MKLN1: variants seen among roughly 807,000 people sequenced by gnomAD.
MKLN1 encodes the protein muskelin.
Under a neutral mutation model 99.0 loss-of-function variants are expected in MKLN1, and 18 were observed. The observed-to-expected ratio is 0.18, with a 90% CI of 0.13 to 0.27. MKLN1 has a LOEUF of 0.27. MKLN1 is among the 10% of genes least tolerant of loss of function. The pLI, the probability that MKLN1 is intolerant of heterozygous loss-of-function variation, is 1.00. For missense variants in MKLN1, 621 were observed against 875.9 expected (o/e 0.71, Z 3.67); for synonymous variants, 288 against 293.2 (o/e 0.98, Z 0.18).
intron 1 of MKLN1, among the ~76,000 whole-genome samples, chr7:131,115,753 G>A (rs1442783127): frequency 6.6e-6 from 1 of 151,928 alleles, no homozygotes; most frequent in Admixed American, 6.6e-5. Context: ...TGTATTATAG[G>A]ATTTACCCTA....
In MKLN1 at chr7:131,387,276, A is replaced by G; in HGVS notation, c.311+14A>G. ...GCTGTTGTCCAGGTGAGTTATGGTT[A>G]TGTTGAAGAGAGCTGTCTTCTAAAC... On this transcript the variant is annotated intron_variant, in intron 3 of 17. Transcript: ENST00000352689. The G allele has an allele frequency of 2.5e-6, 4 of 1,602,308 alleles. No individual in the cohort carries two copies. Among genetic ancestry groups the G allele is most frequent in the Non-Finnish European group, 3.4e-6 (4 of 1,175,834 alleles).
chr7:131,223,722 T>C (rs1797094596), intron 3 of MKLN1, among the ~76,000 whole-genome samples: 1 of 152,242 alleles, frequency 6.6e-6, no homozygotes, highest in Admixed American at 6.5e-5. Flanking sequence ...TGATCACTTC[T>C]GAGTTACAGC....
At chr7:131,461,823 T>G (rs1221410024) in intron 12 of MKLN1, among the ~76,000 whole-genome samples, 1 of 152,218 alleles carries the variant, frequency 6.6e-6, no homozygotes, top group Admixed American at 6.5e-5. Flanking sequence ...ATATGCACTT[T>G]ATGTATATGA....
chr7:131,183,290 T>G (rs1174301418), intron 2 of MKLN1, among the ~76,000 whole-genome samples: 2 of 152,166 alleles, frequency 1.3e-5, no homozygotes. Flanking sequence ...AGAGGTAATC[T>G]GAAAATGAGG....
chr7:131,140,926 C>G (rs561875649), intron 1 of MKLN1, among the ~76,000 whole-genome samples: 3 of 152,012 alleles, frequency 2.0e-5, no homozygotes, highest in African/African-American at 7.2e-5. Flanking sequence ...ACTATAGGCG[C>G]GTGCCACCAT....
chr7:131,133,908 C>A lies in MKLN1; in HGVS notation c.-418-8912C>A, dbSNP rs900673948. Among the ~76,000 whole-genome samples, 18 of 134,954 alleles carry A rather than the reference C, an allele frequency of 1.3e-4. 1 individual carries two copies. The highest frequency in any genetic ancestry group is 4.3e-4 in the African/African-American group (16 of 37,148). 88.5% of individuals were successfully genotyped at this position (134,954 alleles called of 152,430 possible). ...ACAATGGTGCAATCTCGGCTCACTG[C>A]AACCTCTGCCTCCCAGGTTCAAGCG... is the stretch of plus-strand genomic sequence containing the variant. On this transcript the variant is annotated intron_variant, in intron 1 of 7. Coordinates refer to the MKLN1 transcript ENST00000416992.
chr7:131,456,158 A>G (rs1471446487), intron 12 of MKLN1, among the ~76,000 whole-genome samples: 1 of 152,024 alleles, frequency 6.6e-6, no homozygotes, highest in Non-Finnish European at 1.5e-5. Context: ...CCATATTAGA[A>G]TGAAAGCTGC....
rs79985078 is a variant in MKLN1, at chr7:131,345,298, T to C, written c.98+17301T>C. Among the ~76,000 whole-genome samples, 56 of 152,362 alleles carry C rather than the reference T, an allele frequency of 3.7e-4. No individual in the cohort carries two copies. The East Asian group carries it at 7.5e-3, about 20-fold the overall frequency. ...GGAATATTTGCATTATGTTAATATA[T>C]ACTTAGCAGTTGAGCATCCCTAATC... is the stretch of plus-strand genomic sequence containing the variant. On this transcript the variant is annotated intron_variant, in intron 1 of 17. Transcript: ENST00000352689.
intron 8 of MKLN1, among the ~76,000 whole-genome samples, chr7:131,428,655 G>A (rs1035658291): frequency 9.9e-5 from 15 of 152,260 alleles, no homozygotes; most frequent in African/African-American, 3.4e-4. Flanking sequence ...TAAAAAGCTG[G>A]TAAATGTAAA....
chr7:131,291,192 G>A lies in MKLN1; in HGVS notation c.-178-84232G>A, dbSNP rs75777941. On this transcript the variant is annotated intron_variant, in intron 3 of 7. Transcript: ENST00000416992. Reference sequence around the variant, plus strand: ...GTCACCCAGGCTGGAGTTCAGTGGCGTGATCTTGGCTCACTGCAACCTCCG... The same window carrying A: ...GTCACCCAGGCTGGAGTTCAGTGGCATGATCTTGGCTCACTGCAACCTCCG... 4.7e-5 allele frequency among the ~76,000 whole-genome samples: 7 copies of A among 150,360 alleles called. No individual in the cohort carries two copies. The East Asian group carries it at 1.2e-3, about 25-fold the overall frequency.
At chr7:131,198,760 T>C (rs1204523618) in intron 2 of MKLN1, among the ~76,000 whole-genome samples, 1 of 152,072 alleles carries the variant, frequency 6.6e-6, no homozygotes, top group Admixed American at 6.6e-5. Context: ...TTTCATGAAT[T>C]ATAAAAAAAA....
chr7:131,399,177 A>T, intron 5 of MKLN1, 64 bp from the exon 6 acceptor site: 1 of 1,380,100 alleles, frequency 7.2e-7, no homozygotes, highest in African/African-American at 1.4e-5. Flanking sequence ...TACTGTTGTT[A>T]TTGTTTCCTA....
At chr7:131,262,735 G>C (rs1797751198) in intron 3 of MKLN1, among the ~76,000 whole-genome samples, 1 of 151,854 alleles carries the variant, frequency 6.6e-6, no homozygotes, top group Admixed American at 6.6e-5. Flanking sequence ...ATTTTTAGTA[G>C]AGACGGGGTT....
At chr7:131,285,347 G>A (rs1457966054) in intron 3 of MKLN1, among the ~76,000 whole-genome samples, 1 of 152,194 alleles carries the variant, frequency 6.6e-6, no homozygotes, top group East Asian at 1.9e-4. Flanking sequence ...TGAACCTCCT[G>A]GTGTGGGGCA....
intron 1 of MKLN1, among the ~76,000 whole-genome samples, chr7:131,134,287 T>C (rs762722163): frequency 8.5e-5 from 13 of 152,202 alleles, no homozygotes; most frequent in Non-Finnish European, 1.5e-4. Context: ...CCCACTCTCA[T>C]GCCCCATCTT....
In MKLN1 at chr7:131,478,714, C is replaced by T. The variant is rs540341194; in HGVS notation, c.2086+37C>T. The T allele has an allele frequency of 3.2e-5, 52 of 1,606,770 alleles. No individual in the cohort carries two copies. The Admixed American group carries it at 8.7e-4, about 27-fold the overall frequency. On this transcript the variant is annotated intron_variant, in intron 17 of 17. Coordinates refer to ENST00000352689, the MANE Select transcript of MKLN1 (RefSeq NM_013255.5). The stretch of plus-strand genomic sequence containing the variant: ...AGTATAATTTATCCAGCTAGATGCC[C>T]TAGCATTTGGAAGGTTGGATTTTGG...
chr7:131,171,487 C>T (rs1015487316), intron 2 of MKLN1, among the ~76,000 whole-genome samples: 35 of 151,096 alleles, frequency 2.3e-4, no homozygotes, highest in East Asian at 7.7e-4. Flanking sequence ...GATCGTGTTT[C>T]GCTTTTGTAG....
At chr7:131,120,765 C>T (rs1156724441) in intron 1 of MKLN1, among the ~76,000 whole-genome samples, 3 of 152,142 alleles carry the variant, frequency 2.0e-5, no homozygotes, top group Non-Finnish European at 4.4e-5. Flanking sequence ...CTGTCCATAT[C>T]ACTATCAGCA....
Position 131,489,716 on chromosome 7 carries a change from T to A in MKLN1, c.*1988T>A, listed in dbSNP as rs1360498877. Reference sequence around the variant, plus strand: ...TTATTTTTACAGTGCTTTGTAATTTTTTTCATCAGTTCCTTAAATGTTATT... The same window carrying A: ...TTATTTTTACAGTGCTTTGTAATTTATTTCATCAGTTCCTTAAATGTTATT... On this transcript the variant is annotated 3_prime_UTR_variant, in exon 18 of 18. Coordinates refer to ENST00000352689, the MANE Select transcript of MKLN1 (RefSeq NM_013255.5). The A allele has an allele frequency of 6.6e-6, 1 of 152,172 alleles. No individual in the cohort carries two copies. The highest frequency in any genetic ancestry group is 1.5e-5 in the Non-Finnish European group (1 of 68,016). The allele number at this position is 152,172 out of a possible 1,614,324, so 9.4% of individuals were successfully genotyped here. A position where few individuals can be genotyped will look rare whatever the true frequency, so the allele number is the denominator to read the frequency against.
Sources: allele counts gnomAD v4.1 joint callset (sites outside exome capture counted in the v4.1 genomes callset), GRCh38; gene constraint gnomAD v4.1.1; transcripts MANE v1.5; gene names NCBI Gene and HGNC (gene_info 2026-07-23, HGNC 2026-07-21).